The following LMTK2 variants were observed in gnomAD, a reference collection of about 807,000 sequenced individuals.
The protein encoded by LMTK2 is serine/threonine-protein kinase LMTK2.
In LMTK2, 37 loss-of-function variants were observed where a neutral mutation model predicts 127.5. The observed-to-expected ratio is 0.29, with a 90% CI of 0.22 to 0.38. The LOEUF (loss-of-function observed/expected upper bound fraction) is 0.38, where lower values mean the gene tolerates loss of function less well. LMTK2 is among the 10% of genes least tolerant of loss of function. The probability of loss-of-function intolerance (pLI) is 1.00; values close to 1 mark genes in which losing one functional copy is unlikely to be tolerated. For synonymous variants in LMTK2, 819 were observed against 810.1 expected (o/e 1.01, Z -0.19); for missense variants, 1,694 against 1,920.3 (o/e 0.88, Z 2.20).
chr7:98,193,566 C>A lies in LMTK2; in HGVS notation c.3101C>A (p.Thr1034Lys). 1 of 1,614,160 alleles carries A rather than the reference C, an allele frequency of 6.2e-7. No individual in the cohort carries two copies. The highest frequency in any genetic ancestry group is 8.5e-7 in the Non-Finnish European group (1 of 1,180,034). Reference protein sequence around the residue: ...PDKPADSGYETENLESPEWTL... With the variant: ...PDKPADSGYEKENLESPEWTL... ...AAGCCGGCAGACAGTGGCTACGAAA[C>A]AGAGAACTTGGAGTCTCCCGAGTGG... Residue 1034 changes from threonine (T) to lysine (K), a missense_variant, in exon 11 of 14, where the codon ACA becomes AAA. Coordinates refer to ENST00000297293, the MANE Select transcript of LMTK2 (RefSeq NM_014916.4). The surrounding 1 kb of genome is among the most constrained non-coding windows in gnomAD (Gnocchi z 4.1).
chr7:98,146,113 A>G (rs997311168), intron 3 of LMTK2, among the ~76,000 whole-genome samples: 2 of 152,072 alleles, frequency 1.3e-5, no homozygotes, highest in Non-Finnish European at 2.9e-5. Context: ...AAATCAGTTT[A>G]CTATATTTTT....
Position 98,204,192 on chromosome 7 carries a change from A to T in LMTK2, c.4483+6A>T, listed in dbSNP as rs748299768. 1 of 1,588,034 alleles carries T rather than the reference A, an allele frequency of 6.3e-7. No homozygotes were observed. On this transcript the variant is annotated splice_donor_region_variant and intron_variant, in intron 13 of 13. Transcript: ENST00000297293. ...CTCGGACATCGAGCAGGGCGGTGAGAGGCGCTGCGTGCTGGGGATTGGGAG... is the reference window on the plus strand; with the variant it reads ...CTCGGACATCGAGCAGGGCGGTGAGTGGCGCTGCGTGCTGGGGATTGGGAG...
intron 6 of LMTK2, among the ~76,000 whole-genome samples, chr7:98,163,291 A>AT (rs149910891): frequency 1.1e-4 from 16 of 151,566 alleles, no homozygotes; most frequent in East Asian, 5.8e-4. Flanking sequence ...TATTTTATGC[A>AT]TTTTTTTTTA....
At chr7:98,134,700 G>A (rs989168893) in intron 1 of LMTK2, among the ~76,000 whole-genome samples, 20 of 152,008 alleles carry the variant, frequency 1.3e-4, no homozygotes, top group African/African-American at 4.8e-4. Context: ...GGAAGCACAG[G>A]CTTCTTGTCT....
intron 11 of LMTK2, among the ~76,000 whole-genome samples, chr7:98,195,821 G>A (rs1402356401): frequency 1.3e-5 from 2 of 152,138 alleles, no homozygotes; most frequent in East Asian, 3.9e-4. Flanking sequence ...TGGTTTTTAT[G>A]ATGTTTCTTT....
intron 4 of LMTK2, among the ~76,000 whole-genome samples, chr7:98,153,276 A>C (rs907957822): frequency 6.6e-6 from 1 of 152,164 alleles, no homozygotes; most frequent in Non-Finnish European, 1.5e-5. Context: ...AGTGGAAACC[A>C]GGGGGAGGCT....
chr7:98,134,035 T>C (rs905413948), intron 1 of LMTK2, among the ~76,000 whole-genome samples: 7 of 152,122 alleles, frequency 4.6e-5, no homozygotes, highest in Non-Finnish European at 8.8e-5. Flanking sequence ...TTTTTAAGTG[T>C]TAAAGGTTAA....
rs747705291 is a variant in LMTK2, at chr7:98,204,010, T to C, written c.4307T>C (p.Leu1436Pro). The stretch of plus-strand genomic sequence containing the variant: ...TTTATGTCAAAGACAACAAGTAACC[T>C]GCTCAGCTCCAAGCCTTCTCTCCAA... The part of the protein sequence containing the change: ...DPFMSKTTSN[L>P]LSSKPSLQTS... Residue 1436 changes from leucine (L) to proline (P), a missense_variant, in exon 13 of 14, where the codon CTG becomes CCG. Physicochemically the swap from Leu to Pro is moderately conservative, Grantham distance 98. This residue lies in a region of LMTK2 where 554 missense variants were observed against 567.7 expected (regional missense o/e 0.98). Transcript: ENST00000297293. 12 of 1,614,086 alleles carry C rather than the reference T, an allele frequency of 7.4e-6. No individual in the cohort carries two copies. The highest frequency in any genetic ancestry group is 1.1e-5 in the South Asian group (1 of 91,092).
chr7:98,154,780 C>G lies in LMTK2; in HGVS notation c.473C>G (p.Thr158Arg), dbSNP rs775318231. 1 of 1,611,302 alleles carries G rather than the reference C, an allele frequency of 6.2e-7. No individual in the cohort carries two copies. Among genetic ancestry groups the G allele is most frequent in the Admixed American group, 1.7e-5 (1 of 59,912 alleles). ...TAGGTTCTCTTGGGAGAGATTTACA[C>G]GGGCACTAGCGTAGCAAGAGTCATC... is the stretch of plus-strand genomic sequence containing the variant. ...FGKVLLGEIY[T>R]GTSVARVIVK... The change falls in exon 5 of 14, where the codon ACG (threonine) becomes AGG (arginine). Residue 158 changes from threonine (T) to arginine (R), a missense_variant. Thr to Arg is a moderately conservative substitution (Grantham distance 71, BLOSUM62 -1). Transcript: ENST00000297293.
chr7:98,143,746 A>C (rs1158657063), intron 3 of LMTK2, among the ~76,000 whole-genome samples: 1 of 152,162 alleles, frequency 6.6e-6, no homozygotes, highest in African/African-American at 2.4e-5. Context: ...AATATGAGAC[A>C]TGTTGACTCT....
intron 13 of LMTK2, 42 bp downstream of exon 13, chr7:98,204,228 G>C (rs1334886270): frequency 1.1e-6 from 1 of 937,978 alleles, no homozygotes; most frequent in Admixed American, 1.7e-5. Context: ...TGCAGGGTCG[G>C]GGGTGGGGCG....
chr7:98,144,457 T>A (rs897413588), intron 3 of LMTK2, among the ~76,000 whole-genome samples: 7 of 149,518 alleles, frequency 4.7e-5, no homozygotes, highest in South Asian at 2.1e-4. Flanking sequence ...AAAGAAAAAA[T>A]ATATATATAT....
intron 1 of LMTK2, among the ~76,000 whole-genome samples, chr7:98,120,519 G>C (rs553869598): frequency 6.6e-6 from 1 of 152,150 alleles, no homozygotes; most frequent in Non-Finnish European, 1.5e-5. Context: ...GCTTTTTACT[G>C]CAAAACTAAA....
chr7:98,193,249 A>G lies in LMTK2; in HGVS notation c.2784A>G (p.Lys928=). The G allele has an allele frequency of 6.2e-7, 1 of 1,613,710 alleles. No individual in the cohort carries two copies. Among genetic ancestry groups the G allele is most frequent in the Middle Eastern group, 1.6e-4 (1 of 6,062 alleles). Residue 928 remains lysine (K), a synonymous_variant, in exon 11 of 14, where the codon AAA becomes AAG. Coordinates refer to ENST00000297293, the MANE Select transcript of LMTK2 (RefSeq NM_014916.4). This position sits in a 1 kb window ranked among gnomAD's most constrained non-coding sequence, Gnocchi z 4.1. The part of the protein sequence containing the change: ...LPELGQELHN[K]PFSEDHHSHR... ...AACTGGGACAGGAATTGCACAATAA[A>G]CCATTTTCGGAAGACCATCACAGTC...
At chr7:98,185,339 G>A (rs1797418433) in intron 8 of LMTK2, among the ~76,000 whole-genome samples, 1 of 152,162 alleles carries the variant, frequency 6.6e-6, no homozygotes, top group African/African-American at 2.4e-5. Flanking sequence ...TTTTGCAACA[G>A]CTTTCCAAAA....
intron 4 of LMTK2, 92 bp downstream of exon 4, chr7:98,151,547 G>T: frequency 9.6e-7 from 1 of 1,036,794 alleles, no homozygotes; most frequent in East Asian, 2.5e-5. Flanking sequence ...GGAGTTCCAC[G>T]TGCCCTGTGG....
At position 98,107,084 on chromosome 7, in the gene LMTK2, G is replaced by C; in HGVS notation, c.-94G>C. 1 of 983,098 alleles carries C rather than the reference G, an allele frequency of 1.0e-6. No individual in the cohort carries two copies. Among genetic ancestry groups the C allele is most frequent in the Non-Finnish European group, 1.4e-6 (1 of 726,062 alleles). 60.9% of individuals were successfully genotyped at this position (983,098 alleles called of 1,614,324 possible). A position where few individuals can be genotyped will look rare whatever the true frequency, so the allele number is the denominator to read the frequency against. ...GAGCAACCGGCGCGGGTGCCACTGA[G>C]GCAGCGGAGGGAGGCAGGATCGACT... On this transcript the variant is annotated 5_prime_UTR_variant, in exon 1 of 14. Coordinates refer to ENST00000297293, the MANE Select transcript of LMTK2 (RefSeq NM_014916.4).
chr7:98,128,526 T>C (rs1345569700), intron 1 of LMTK2, among the ~76,000 whole-genome samples: 1 of 152,220 alleles, frequency 6.6e-6, no homozygotes, highest in Non-Finnish European at 1.5e-5. Flanking sequence ...AGTATTTTGT[T>C]TTAGCAGCCC....
intron 7 of LMTK2, among the ~76,000 whole-genome samples, chr7:98,172,266 T>C (rs758813041): frequency 6.6e-5 from 10 of 151,702 alleles, no homozygotes; most frequent in Admixed American, 1.3e-4. Flanking sequence ...ACATTTCTGT[T>C]GCAGCTTTTC....
Sources: gnomAD v4.1 joint callset for allele counts (sites outside exome capture counted in the v4.1 genomes callset) on GRCh38, gnomAD v4.1.1 for gene constraint, gnomAD v4.1.1 regional missense constraint, Gnocchi (gnomAD v3.1) non-coding constraint, MANE v1.5 for transcripts, NCBI Gene and HGNC (gene_info 2026-07-23, HGNC 2026-07-21) for gene names.